The following LRRC4C variants were observed in gnomAD, a reference collection of about 807,000 sequenced individuals.
The protein encoded by LRRC4C is leucine-rich repeat-containing protein 4C.
Under a neutral mutation model 33.6 loss-of-function variants are expected in LRRC4C, and 5 were observed. The observed-to-expected ratio is 0.15, with a 90% CI of 0.08 to 0.31. The LOEUF (loss-of-function observed/expected upper bound fraction) is 0.31, where lower values mean the gene tolerates loss of function less well. LRRC4C is among the 10% of genes least tolerant of loss of function. LRRC4C has a pLI of 1.00. For missense variants in LRRC4C, 560 were observed against 796.7 expected (o/e 0.70, Z 3.58); for synonymous variants, 329 against 302.0 (o/e 1.09, Z -0.93).
At chr11:40,833,739 T>C (rs1591833528) in intron 2 of LRRC4C, among the ~76,000 whole-genome samples, 1 of 151,920 alleles carries the variant, frequency 6.6e-6, no homozygotes. Context: ...TTCTGGCATA[T>C]AAAACGACTT....
intron 1 of LRRC4C, among the ~76,000 whole-genome samples, chr11:41,416,585 GTTTTC>G (rs1038304818): frequency 7.9e-5 from 12 of 151,928 alleles, no homozygotes; most frequent in African/African-American, 2.7e-4. Flanking sequence ...ACTTTACTAT[GTTTTC>G]TTTTCTGAAT....
At position 40,621,731 on chromosome 11, in the gene LRRC4C, CAATT is replaced by C. The variant is rs530930718; in HGVS notation, c.-270+26407_-270+26410del. On this transcript the variant is annotated intron_variant, in intron 3 of 6. Transcript: ENST00000528697. ...CAGTGTCTAGTACATGGTATGTGCT[CAATT>C]AAAGTAATTGACTGGATATAAAATA... Among the ~76,000 whole-genome samples, 10 of 151,804 alleles carry C rather than the reference CAATT, an allele frequency of 6.6e-5. No individual in the cohort carries two copies. In the East Asian group the frequency reaches 1.7e-3, roughly 26 times the overall value.
At chr11:40,286,041 C>G (rs1289435184) in intron 4 of LRRC4C, among the ~76,000 whole-genome samples, 1 of 152,130 alleles carries the variant, frequency 6.6e-6, no homozygotes, top group Non-Finnish European at 1.5e-5. Flanking sequence ...ATGGTGGTAA[C>G]TACTGTTTTT....
rs1307866424 is a variant in LRRC4C, at chr11:41,244,825, A to G, written c.-496+214606T>C. 2.0e-5 allele frequency among the ~76,000 whole-genome samples: 3 copies of G among 152,180 alleles called. No individual in the cohort carries two copies. The East Asian group carries it at 5.8e-4, about 29-fold the overall frequency. On this transcript the variant is annotated intron_variant, in intron 1 of 6. Coordinates refer to ENST00000528697, the MANE Select transcript of LRRC4C (RefSeq NM_001258419.2). ...ATGAGTAAGACTGGATTTTGGGGCT[A>G]TAGCATACTGCAGGCACAGGGACTC...
intron 3 of LRRC4C, among the ~76,000 whole-genome samples, chr11:40,441,520 C>A (rs1480803032): frequency 1.3e-5 from 2 of 152,106 alleles, no homozygotes; most frequent in Non-Finnish European, 2.9e-5. Context: ...CTGGGTCTAC[C>A]ATTTGCAACT....
intron 1 of LRRC4C, among the ~76,000 whole-genome samples, chr11:41,130,415 A>T (rs1942958108): frequency 6.6e-6 from 1 of 151,922 alleles, no homozygotes; most frequent in African/African-American, 2.4e-5. Context: ...TGTTGATGTC[A>T]TTTTAGAAGG....
At chr11:40,787,941 CTTA>C (rs1193410586) in intron 2 of LRRC4C, among the ~76,000 whole-genome samples, 4 of 152,154 alleles carry the variant, frequency 2.6e-5, no homozygotes, top group African/African-American at 9.7e-5. Flanking sequence ...GGTTGGTATT[CTTA>C]TTGTTGTTCT....
intron 1 of LRRC4C, among the ~76,000 whole-genome samples, chr11:41,407,962 T>C (rs1954304888): frequency 6.6e-6 from 1 of 152,152 alleles, no homozygotes. Context: ...TGGAGGTGCC[T>C]GTGAGGGTAG....
At chr11:40,852,067 T>C (rs956818781) in intron 2 of LRRC4C, among the ~76,000 whole-genome samples, 3 of 152,056 alleles carry the variant, frequency 2.0e-5, no homozygotes, top group Admixed American at 6.5e-5. Context: ...GACCTCATGA[T>C]CCACCTGCCT....
At chr11:40,833,564 C>T (rs1388379510) in intron 2 of LRRC4C, among the ~76,000 whole-genome samples, 1 of 151,844 alleles carries the variant, frequency 6.6e-6, no homozygotes, top group Non-Finnish European at 1.5e-5. Context: ...TTTCATTGCA[C>T]CCAAGGACCA....
intron 1 of LRRC4C, among the ~76,000 whole-genome samples, chr11:41,069,520 C>T (rs911367015): frequency 6.6e-5 from 10 of 152,140 alleles, no homozygotes. Flanking sequence ...TAGAAAACCA[C>T]ATCACCTCAA....
chr11:40,464,895 A>C (rs768996996), intron 3 of LRRC4C, among the ~76,000 whole-genome samples: 1 of 152,080 alleles, frequency 6.6e-6, no homozygotes, highest in Non-Finnish European at 1.5e-5. Context: ...TCTCCAAAGC[A>C]ATCTATGGAT....
chr11:41,133,087 A>T (rs1943089251), intron 1 of LRRC4C, among the ~76,000 whole-genome samples: 1 of 152,284 alleles, frequency 6.6e-6, no homozygotes, highest in Admixed American at 6.5e-5. Context: ...TCTGCTATTT[A>T]ATCTGGCAGA....
intron 1 of LRRC4C, among the ~76,000 whole-genome samples, chr11:41,280,549 A>T (rs1343266478): frequency 1.3e-5 from 2 of 152,222 alleles, no homozygotes; most frequent in Admixed American, 1.3e-4. Flanking sequence ...TGCATTCACC[A>T]TTGTGTTTAT....
intron 1 of LRRC4C, among the ~76,000 whole-genome samples, chr11:41,258,627 T>C (rs1367632278): frequency 6.6e-6 from 1 of 151,948 alleles, no homozygotes; most frequent in African/African-American, 2.4e-5. Flanking sequence ...AACAAGAGTA[T>C]GTTTATATCT....
chr11:40,689,817 C>T (rs1475114014), intron 2 of LRRC4C, among the ~76,000 whole-genome samples: 2 of 152,052 alleles, frequency 1.3e-5, no homozygotes, highest in Admixed American at 6.6e-5. Flanking sequence ...TACATTCTAT[C>T]TCTGAAATTA....
intron 2 of LRRC4C, among the ~76,000 whole-genome samples, chr11:40,736,080 G>A (rs1173742200): frequency 1.3e-5 from 2 of 151,750 alleles, no homozygotes; most frequent in African/African-American, 2.4e-5. Context: ...TTGTTACATA[G>A]GTGTACACGT....
chr11:41,233,100 A>G (rs1947873317), intron 1 of LRRC4C, among the ~76,000 whole-genome samples: 1 of 152,112 alleles, frequency 6.6e-6, no homozygotes, highest in Admixed American at 6.6e-5. Flanking sequence ...TTTACTTGAT[A>G]AATGTTTAGA....
chr11:40,878,607 T>C (rs1016213090), intron 2 of LRRC4C, among the ~76,000 whole-genome samples: 2 of 152,186 alleles, frequency 1.3e-5, no homozygotes, highest in Non-Finnish European at 2.9e-5. Flanking sequence ...TAAATACAGA[T>C]GAGGCTTTAT....
Sources: gnomAD v4.1 joint callset for allele counts (sites outside exome capture counted in the v4.1 genomes callset) on GRCh38, gnomAD v4.1.1 for gene constraint, MANE v1.5 for transcripts, NCBI Gene and HGNC (gene_info 2026-07-23, HGNC 2026-07-21) for gene names.